Variants in NMU observed in about 807,000 individuals in gnomAD.
The protein encoded by NMU is neuromedin-U.
A neutral mutation model predicts 35.4 loss-of-function variants in NMU; 29 were observed. That is an observed-to-expected ratio of 0.82 (90% CI 0.61 to 1.12). NMU has a LOEUF of 1.12. NMU is among the 50% of genes most tolerant of loss of function. The pLI is 0.00. For synonymous variants in NMU, 78 were observed against 81.3 expected (o/e 0.96, Z 0.22); for missense variants, 199 against 206.2 (o/e 0.97, Z 0.21).
chr4:55,616,397 A>G lies in NMU; in HGVS notation c.172-12T>C, dbSNP rs373853918. ...CAAGTATCATCTATCTGTAGAAAAC[A>G]AAAATGTCAGTTACATCCTGGGAAT... On this transcript the variant is annotated splice_polypyrimidine_tract_variant and intron_variant, in intron 2 of 9. Transcript: ENST00000264218. The G allele has an allele frequency of 1.2e-6, 2 of 1,605,424 alleles. No individual in the cohort carries two copies. Among genetic ancestry groups the G allele is most frequent in the African/African-American group, 2.7e-5 (2 of 74,804 alleles).
rs1394888296 is a variant in NMU, at chr4:55,636,005, G to A, written c.112+76C>T. ...AGCCAAGTAAAGGTGAGAGAAAGAG[G>A]GTGGAGGAGAGCGGTGAGTGGAGCC... On this transcript the variant is annotated intron_variant, in intron 1 of 9. Coordinates refer to ENST00000264218, the MANE Select transcript of NMU (RefSeq NM_006681.4). The surrounding 1 kb of genome is among the most constrained non-coding windows in gnomAD (Gnocchi z 4.0). The A allele has an allele frequency of 2.6e-6, 4 of 1,530,494 alleles. No individual in the cohort carries two copies. The allele number at this position is 1,530,494 out of a possible 1,614,324, so 94.8% of individuals were successfully genotyped here. A position where few individuals can be genotyped will look rare whatever the true frequency, so the allele number is the denominator to read the frequency against.
chr4:55,635,768 T>C (rs1437316900), intron 1 of NMU, among the ~76,000 whole-genome samples: 1 of 152,254 alleles, frequency 6.6e-6, no homozygotes, highest in Non-Finnish European at 1.5e-5. Flanking sequence ...CCGGGGGGTC[T>C]GGAAATCCCG....
chr4:55,629,284 T>G (rs1008481345), intron 2 of NMU, among the ~76,000 whole-genome samples: 3 of 151,986 alleles, frequency 2.0e-5, no homozygotes, highest in Admixed American at 2.0e-4. Context: ...TTTTTTTTCC[T>G]GAAATGGGGT....
chr4:55,610,486 A>C (rs1370489772), intron 3 of NMU, among the ~76,000 whole-genome samples: 1 of 151,788 alleles, frequency 6.6e-6, no homozygotes, highest in Non-Finnish European at 1.5e-5. Context: ...AAAGAAAGAC[A>C]TATGAAAAGA....
chr4:55,636,083 C>T lies in NMU; in HGVS notation c.110G>A (p.Arg37Gln), dbSNP rs763171048. ...LLLAWCAGACRGAPILPQGLQ... is the reference protein window; with the variant it reads ...LLLAWCAGACQGAPILPQGLQ... ...GGCCGGGTGCGGGGCCGTCTTACCT[C>T]GGCAGGCGCCCGCGCACCAGGCGAG... The change falls in exon 1 of 10, where the codon CGA becomes CAA. Residue 37 changes from arginine to glutamine, a missense_variant and splice_region_variant. Arg to Gln is a conservative substitution (Grantham distance 43). Transcript: ENST00000264218. This position sits in a 1 kb window ranked among gnomAD's most constrained non-coding sequence, Gnocchi z 4.0. 2.0e-5 allele frequency: 30 copies of T among 1,531,012 alleles called. No individual in the cohort carries two copies. Among genetic ancestry groups the T allele is most frequent in the Non-Finnish European group, 2.5e-5 (29 of 1,145,236 alleles). The allele number at this position is 1,531,012 out of a possible 1,614,324, so 94.8% of individuals were successfully genotyped here. A position where few individuals can be genotyped will look rare whatever the true frequency, so the allele number is the denominator to read the frequency against.
intron 2 of NMU, among the ~76,000 whole-genome samples, chr4:55,620,041 T>G (rs1734323253): frequency 6.9e-6 from 1 of 145,290 alleles, no homozygotes; most frequent in South Asian, 2.3e-4. Context: ...AGACCAAAAG[T>G]AGATAAAACC....
chr4:55,619,401 G>A (rs1734276342), intron 2 of NMU, among the ~76,000 whole-genome samples: 1 of 124,110 alleles, frequency 8.1e-6, no homozygotes, highest in African/African-American at 3.0e-5. Context: ...AGAAAGGGGT[G>A]ACGGACGCAC....
chr4:55,634,317 G>T (rs1028957822), intron 1 of NMU, among the ~76,000 whole-genome samples: 2 of 152,208 alleles, frequency 1.3e-5, no homozygotes, highest in African/African-American at 4.8e-5. Context: ...TTCAGAGCAG[G>T]TCTGAAGGGG....
In NMU at chr4:55,612,133, A is replaced by C. The variant is rs113727661; in HGVS notation, c.220-2954T>G. On this transcript the variant is annotated intron_variant, in intron 3 of 9. Coordinates refer to ENST00000264218, the MANE Select transcript of NMU (RefSeq NM_006681.4). Reference sequence around the variant, plus strand: ...ACATCCTTTCTCACTGGTTATATTTAAGGGCTGAATACACAGGTCACCCCA... The same window carrying C: ...ACATCCTTTCTCACTGGTTATATTTCAGGGCTGAATACACAGGTCACCCCA... Among the ~76,000 whole-genome samples the C allele has an allele frequency of 1.2e-4, 19 of 152,358 alleles. 1 individual carries two copies. Among genetic ancestry groups the C allele is most frequent in the African/African-American group, 4.6e-4 (19 of 41,590 alleles).
intron 7 of NMU, among the ~76,000 whole-genome samples, chr4:55,602,212 T>A (rs988154881): frequency 6.6e-6 from 1 of 152,150 alleles, no homozygotes; most frequent in Admixed American, 6.6e-5. Context: ...GGGAATGATA[T>A]TGAAAGATGT....
At chr4:55,595,563 T>TATATATACACACAC (rs755203914) in intron 9 of NMU, among the ~76,000 whole-genome samples, 152 bp from the exon 10 acceptor site, 38 of 120,056 alleles carry the variant, frequency 3.2e-4, no homozygotes, top group South Asian at 2.6e-3. Context: ...TATATATATA[T>TATATATACACACAC]ACACACACAC....
chr4:55,632,901 A>T lies in NMU; in HGVS notation c.113-2441T>A, dbSNP rs150737283. Among the ~76,000 whole-genome samples the T allele has an allele frequency of 1.1e-3, 173 of 151,864 alleles. 1 individual carries two copies. Among genetic ancestry groups the T allele is most frequent in the African/African-American group, 3.8e-3 (159 of 41,404 alleles). The stretch of plus-strand genomic sequence containing the variant: ...CACTATGCCTAACTTAGCCCCAGGC[A>T]CTTCCATAAAATAGAAAAAGGGTAT... On this transcript the variant is annotated intron_variant, in intron 1 of 9. Transcript: ENST00000264218.
chr4:55,636,406 C>T, upstream of NMU: 2 of 647,784 alleles, frequency 3.1e-6, no homozygotes, highest in Non-Finnish European at 4.6e-6. This position sits in a 1 kb window ranked among gnomAD's most constrained non-coding sequence, Gnocchi z 4.0. Context: ...CCTACCTCGC[C>T]TCACCCCGCC....
At chr4:55,613,320 T>C (rs1734006322) in intron 3 of NMU, among the ~76,000 whole-genome samples, 1 of 152,104 alleles carries the variant, frequency 6.6e-6, no homozygotes. Context: ...AAAAATTATT[T>C]AGGTTCTGTA....
At chr4:55,614,259 A>G (rs1345278509) in intron 3 of NMU, among the ~76,000 whole-genome samples, 4 of 152,094 alleles carry the variant, frequency 2.6e-5, no homozygotes, top group Admixed American at 2.6e-4. Flanking sequence ...ATTATCATTT[A>G]TTTTGTATGT....
chr4:55,609,005 C>G, intron 4 of NMU, 115 bp downstream of exon 4: 2 of 830,620 alleles, frequency 2.4e-6, no homozygotes, highest in Non-Finnish European at 4.1e-6. Context: ...ACAATTTTTC[C>G]TCTTCTAACC....
Position 55,600,525 on chromosome 4 carries a change from G to C in NMU, c.486C>G (p.Phe162Leu), listed in dbSNP as rs146027459. ...TAAAAATACAGTATGTACCTACCCTGAATAAAAAATATCCTCGACTTTGAC... is the reference window on the plus strand; with the variant it reads ...TAAAAATACAGTATGTACCTACCCTCAATAAAAAATATCCTCGACTTTGAC... ...FASQSRGYFL[F>L]RPRNGRRSAG... The change falls in exon 8 of 10, where the codon TTC (phenylalanine) becomes TTG (leucine). Residue 162 changes from phenylalanine to leucine, a missense_variant. Coordinates refer to ENST00000264218, the MANE Select transcript of NMU (RefSeq NM_006681.4). 2 of 1,602,796 alleles carry C rather than the reference G, an allele frequency of 1.2e-6. No homozygotes were observed. Among genetic ancestry groups the C allele is most frequent in the Non-Finnish European group, 1.7e-6 (2 of 1,170,252 alleles).
chr4:55,613,145 C>G lies in NMU; in HGVS notation c.219+3193G>C, dbSNP rs139419447. On this transcript the variant is annotated intron_variant, in intron 3 of 9. Transcript: ENST00000264218. ...GAGAAGGAAACAGTAGATACCGAGG[C>G]CTACTTGAGAGTAGAGGGTGGAAAG... Among the ~76,000 whole-genome samples the G allele has an allele frequency of 2.6e-3, 398 of 152,150 alleles. 3 individuals carry two copies. Among genetic ancestry groups the G allele is most frequent in the African/African-American group, 9.3e-3 (385 of 41,502 alleles).
At position 55,604,679 on chromosome 4, in the gene NMU, A is replaced by ATATTTTTT. The variant is rs1553909885; in HGVS notation, c.435+595_435+596insAAAAAATA. On this transcript the variant is annotated intron_variant, in intron 7 of 9. Transcript: ENST00000264218. ...AGGCATGCGCCAATATGCCTGGCTA[A>ATATTTTTT]TTTTTTTTTTTTTTTTTTTTTTTTT... 2.5e-3 allele frequency among the ~76,000 whole-genome samples: 121 copies of ATATTTTTT among 47,612 alleles called. 2 individuals are homozygous for ATATTTTTT. The highest frequency in any genetic ancestry group is 0.014 in the African/African-American group (116 of 8,580). 31.2% of individuals were successfully genotyped at this position (47,612 alleles called of 152,430 possible).
Sources: gnomAD v4.1 joint callset for allele counts (sites outside exome capture counted in the v4.1 genomes callset) on GRCh38, gnomAD v4.1.1 for gene constraint, Gnocchi (gnomAD v3.1) non-coding constraint, MANE v1.5 for transcripts, NCBI Gene and HGNC (gene_info 2026-07-23, HGNC 2026-07-21) for gene names.